Variants in EYA2 observed in about 807,000 individuals in gnomAD.
The protein encoded by EYA2 is EYA transcriptional coactivator and phosphatase 2, also known as protein phosphatase EYA2.
In EYA2, 31 loss-of-function variants were observed where a neutral mutation model predicts 69.2. That is an observed-to-expected ratio of 0.45 (90% CI 0.34 to 0.60). The LOEUF is 0.60. Among genes scored for constraint, EYA2 ranks in the 20% least tolerant of loss-of-function variants. The pLI, the probability that EYA2 is intolerant of heterozygous loss-of-function variation, is 0.02. For missense variants in EYA2, 622 were observed against 701.2 expected, an observed-to-expected ratio of 0.89 and a Z score of 1.28; for synonymous variants, 257 against 279.4, an observed-to-expected ratio of 0.92 and a Z score of 0.80.
At chr20:47,086,215 G>A (rs574180614) in intron 7 of EYA2, among the ~76,000 whole-genome samples, 1 of 152,324 alleles carries the variant, frequency 6.6e-6, no homozygotes, top group Non-Finnish European at 1.5e-5. Flanking sequence ...GCTGGGCACA[G>A]TGGCTCATTC....
intron 7 of EYA2, among the ~76,000 whole-genome samples, chr20:47,081,805 A>T (rs960350197): frequency 1.3e-5 from 2 of 151,376 alleles, no homozygotes; most frequent in Non-Finnish European, 2.9e-5. Flanking sequence ...AAGAAAGAAA[A>T]AAAGAGAGAG....
At chr20:47,031,818 C>T (rs897053693) in intron 5 of EYA2, among the ~76,000 whole-genome samples, 20 of 151,522 alleles carry the variant, frequency 1.3e-4, no homozygotes, top group Non-Finnish European at 2.7e-4. Context: ...TTGGCAGGGG[C>T]AGGGGTGGGG....
intron 1 of EYA2, among the ~76,000 whole-genome samples, chr20:46,941,200 G>A (rs1286248558): frequency 1.3e-5 from 2 of 152,194 alleles, no homozygotes; most frequent in Non-Finnish European, 2.9e-5. Flanking sequence ...TTGCCCCTAA[G>A]AGCTGCCTGA....
chr20:47,131,491 T>C (rs1181573168), intron 9 of EYA2, among the ~76,000 whole-genome samples: 1 of 152,218 alleles, frequency 6.6e-6, no homozygotes, highest in Admixed American at 6.5e-5. Context: ...CCCAAAGACG[T>C]CCACATCCTA....
chr20:47,038,669 G>A (rs1035588391), intron 5 of EYA2, among the ~76,000 whole-genome samples: 1 of 152,156 alleles, frequency 6.6e-6, no homozygotes, highest in African/African-American at 2.4e-5. Flanking sequence ...TATACAGTAA[G>A]GAGTGTGAAC....
intron 5 of EYA2, among the ~76,000 whole-genome samples, chr20:47,022,095 C>G (rs1983786956): frequency 6.6e-6 from 1 of 152,174 alleles, no homozygotes; most frequent in South Asian, 2.1e-4. Context: ...TTTTCAGAGC[C>G]TTTGCAGGCT....
At chr20:47,064,972 G>A (rs909052772) in intron 5 of EYA2, among the ~76,000 whole-genome samples, 2 of 152,208 alleles carry the variant, frequency 1.3e-5, no homozygotes, top group Non-Finnish European at 2.9e-5. Context: ...CCACATGGCT[G>A]CGGAGGCCTC....
chr20:47,029,412 C>T (rs1363402700), intron 5 of EYA2, among the ~76,000 whole-genome samples: 1 of 152,216 alleles, frequency 6.6e-6, no homozygotes, highest in African/African-American at 2.4e-5. Flanking sequence ...TCCATATTTT[C>T]AGGGCAGAAG....
chr20:47,011,218 C>G lies in EYA2; in HGVS notation c.299-4963C>G, dbSNP rs144019619. On this transcript the variant is annotated intron_variant, in intron 4 of 15. Transcript: ENST00000327619. Reference sequence around the variant, plus strand: ...TGGTCCAAAACCCTCATTGTAGTCACGAGGAAACTGAGGCTTGGAAAGCAG... The same window carrying G: ...TGGTCCAAAACCCTCATTGTAGTCAGGAGGAAACTGAGGCTTGGAAAGCAG... Among the ~76,000 whole-genome samples the G allele has an allele frequency of 3.7e-3, 556 of 152,198 alleles. 5 individuals are homozygous for G. Among genetic ancestry groups the G allele is most frequent in the African/African-American group, 0.013 (530 of 41,500 alleles).
intron 7 of EYA2, among the ~76,000 whole-genome samples, chr20:47,088,216 A>T (rs955077813): frequency 1.3e-5 from 2 of 152,248 alleles, no homozygotes; most frequent in African/African-American, 4.8e-5. Context: ...CCTGAGCAAC[A>T]GAGCGAGACT....
rs141382066 is a variant in EYA2, at chr20:47,086,483, G to C, written c.662-2756G>C. Among the ~76,000 whole-genome samples the C allele has an allele frequency of 4.7e-3, 714 of 152,260 alleles. 7 individuals are homozygous for C. Among genetic ancestry groups the C allele is most frequent in the African/African-American group, 0.016 (664 of 41,548 alleles). On this transcript the variant is annotated intron_variant, in intron 7 of 15. Coordinates refer to ENST00000327619, the MANE Select transcript of EYA2 (RefSeq NM_005244.5). The stretch of plus-strand genomic sequence containing the variant: ...CCTCAGGAAATTTGCAATCATGGCG[G>C]AAGGTAAAAGGGAAGCAGGCACGTC...
intron 5 of EYA2, among the ~76,000 whole-genome samples, chr20:47,060,258 G>A (rs1366333130): frequency 6.6e-6 from 1 of 152,146 alleles, no homozygotes; most frequent in African/African-American, 2.4e-5. Flanking sequence ...AGGTTCGTTT[G>A]GCATCTCAAT....
At chr20:47,009,542 G>A (rs942831372) in intron 4 of EYA2, among the ~76,000 whole-genome samples, 2 of 152,090 alleles carry the variant, frequency 1.3e-5, no homozygotes, top group Non-Finnish European at 2.9e-5. Context: ...AAAAATAAAG[G>A]GAGGTGGCTT....
At chr20:46,937,181 C>T (rs981168452) in intron 1 of EYA2, among the ~76,000 whole-genome samples, 1 of 152,136 alleles carries the variant, frequency 6.6e-6, no homozygotes, top group East Asian at 1.9e-4. Context: ...GCAGTTAGGG[C>T]ATTGGAGTTG....
chr20:47,183,469 AT>A, intron 15 of EYA2, 78 bp downstream of exon 15: 1 of 1,310,542 alleles, frequency 7.6e-7, no homozygotes, highest in Non-Finnish European at 1.1e-6. Flanking sequence ...TCCTTCCATG[AT>A]TTCCTCCACT....
At chr20:47,139,526 G>A (rs1211992177) in intron 9 of EYA2, among the ~76,000 whole-genome samples, 1 of 151,510 alleles carries the variant, frequency 6.6e-6, no homozygotes, top group Non-Finnish European at 1.5e-5. Flanking sequence ...TCCTCCTCCT[G>A]GGTTCAAGCA....
intron 9 of EYA2, among the ~76,000 whole-genome samples, chr20:47,100,751 G>A (rs376811233): frequency 6.6e-6 from 1 of 152,178 alleles, no homozygotes; most frequent in Admixed American, 6.6e-5. Context: ...TCCAGCTCTC[G>A]CTAAGGTGAG....
intron 8 of EYA2, chr20:47,095,729 G>C (rs1456760329): frequency 6.6e-6 from 1 of 152,154 alleles, no homozygotes; most frequent in Non-Finnish European, 1.5e-5. Context: ...TTGGAATTCT[G>C]TACCCAGAGA....
intron 10 of EYA2, among the ~76,000 whole-genome samples, chr20:47,156,087 CAT>C (rs1455189360): frequency 2.4e-4 from 9 of 37,896 alleles, no homozygotes; most frequent in African/African-American, 3.1e-4. Flanking sequence ...CATATATATA[CAT>C]ACACACACAC....
Sources: allele counts gnomAD v4.1 joint callset (sites outside exome capture counted in the v4.1 genomes callset), GRCh38; gene constraint gnomAD v4.1.1; transcripts MANE v1.5; gene names NCBI Gene and HGNC (gene_info 2026-07-23, HGNC 2026-07-21).